The following NR1H3 variants were observed in gnomAD, a reference collection of about 807,000 sequenced individuals.
NR1H3 encodes oxysterols receptor LXR-alpha.
A neutral mutation model predicts 48.1 loss-of-function variants in NR1H3; 19 were observed. That is an observed-to-expected ratio of 0.40 (90% confidence interval 0.28 to 0.58). The LOEUF is 0.58. NR1H3 is among the 20% of genes least tolerant of loss of function. NR1H3 has a pLI of 0.50. For missense variants in NR1H3, 486 were observed against 595.9 expected, an observed-to-expected ratio of 0.82 and a Z score of 1.92; for synonymous variants, 232 against 227.3, an observed-to-expected ratio of 1.02 and a Z score of -0.19.
At chr11:47,253,779 G>C (rs910298456), upstream of NR1H3, among the ~76,000 whole-genome samples, 3 of 152,204 alleles carry the variant, frequency 2.0e-5, no homozygotes, top group Non-Finnish European at 4.4e-5. Context: ...CCCCGAGTGT[G>C]TTCCCAGAGA....
chr11:47,267,770 A>T (rs1454641274), intron 7 of NR1H3, 143 bp from the exon 8 acceptor site: 2 of 640,500 alleles, frequency 3.1e-6, no homozygotes, highest in Non-Finnish European at 5.6e-6. Context: ...CAGCCTCCGA[A>T]AGTGCTGGGA....
chr11:47,252,246 TTTGTTGTTG>T (rs61003245), intron 1 of NR1H3, among the ~76,000 whole-genome samples: 32 of 151,686 alleles, frequency 2.1e-4, no homozygotes, highest in Non-Finnish European at 3.7e-4. Context: ...TTTGTTTTGT[TTTGTTGTTG>T]TTGTTGTTGT....
At position 47,260,107 on chromosome 11, in the gene NR1H3, T is replaced by C. The variant is rs1364256447; in HGVS notation, c.232+128T>C. On this transcript the variant is annotated intron_variant, in intron 3 of 9. Transcript: ENST00000441012. ...TAAGTTCAGAGGCTTTAGAGCTAAC[T>C]AAATCTGACTGATCTAAGTGTGAAT... The C allele has an allele frequency of 4.5e-6, 4 of 883,630 alleles. No homozygotes were observed. The African/African-American group carries it at 6.9e-5, about 15-fold the overall frequency. 54.7% of individuals were successfully genotyped at this position (883,630 alleles called of 1,614,324 possible).
At chr11:47,250,296 G>C (rs1389962588) in intron 1 of NR1H3, among the ~76,000 whole-genome samples, 1 of 152,094 alleles carries the variant, frequency 6.6e-6, no homozygotes, top group Non-Finnish European at 1.5e-5. Flanking sequence ...TGTGGTCCTA[G>C]CTCCTCGGGA....
upstream of NR1H3, among the ~76,000 whole-genome samples, chr11:47,253,195 C>T (rs1954812015): frequency 6.7e-6 from 1 of 148,426 alleles, no homozygotes; most frequent in South Asian, 2.1e-4. Context: ...TCTCAAACTC[C>T]TGGACTCAAG....
upstream of NR1H3, among the ~76,000 whole-genome samples, chr11:47,256,627 C>T (rs1344823230): frequency 1.0e-5 from 1 of 98,800 alleles, no homozygotes; most frequent in Non-Finnish European, 1.9e-5. Flanking sequence ...GCCTGGGCAA[C>T]ATAGTGAGAC....
At position 47,261,416 on chromosome 11, in the gene NR1H3, C is replaced by A. The variant is rs1172123407; in HGVS notation, c.675C>A (p.Asn225Lys). 6.2e-7 allele frequency: 1 copy of A among 1,614,136 alleles called. No individual in the cohort carries two copies. The highest frequency in any genetic ancestry group is 1.7e-5 in the Admixed American group (1 of 59,988). Residue 225 changes from asparagine (N) to lysine (K), a missense_variant, in exon 5 of 10, where the codon AAC (asparagine) becomes AAA (lysine). Asn to Lys is a moderately conservative substitution (Grantham distance 94). Transcript: ENST00000441012. ...TCGTCGCTGCCCAGCAACAGTGTAA[C>A]CGGCGCTCCTTTTCTGACCGGCTTC... Reference protein sequence around the residue: ...EKLVAAQQQCNRRSFSDRLRV... With the variant: ...EKLVAAQQQCKRRSFSDRLRV...
chr11:47,263,611 T>C (rs1372163659), intron 7 of NR1H3, among the ~76,000 whole-genome samples: 1 of 149,450 alleles, frequency 6.7e-6, no homozygotes, highest in Non-Finnish European at 1.5e-5. Flanking sequence ...CTTTTCTTTT[T>C]TTTTTTTTTT....
chr11:47,266,445 G>T (rs1439458912), intron 7 of NR1H3, among the ~76,000 whole-genome samples: 2 of 149,046 alleles, frequency 1.3e-5, no homozygotes, highest in African/African-American at 5.0e-5. Context: ...CAAGCAATTC[G>T]CCTGCTCAGC....
rs948240602 is a variant in NR1H3, at chr11:47,259,974, C to T, written c.227C>T (p.Pro76Leu). The T allele has an allele frequency of 1.3e-6, 2 of 1,524,954 alleles. No individual in the cohort carries two copies. The highest frequency in any genetic ancestry group is 1.8e-6 in the Non-Finnish European group (2 of 1,139,146). The allele number at this position is 1,524,954 out of a possible 1,614,324, so 94.5% of individuals were successfully genotyped here. Residue 76 changes from proline (P) to leucine (L), a missense_variant, in exon 3 of 10, where the codon CCC becomes CTC. Transcript: ENST00000441012. ...LLTRAEPPSEPTEIRPQKRKK... is the reference protein window; with the variant it reads ...LLTRAEPPSELTEIRPQKRKK... ...ACCAGGGCAGAGCCCCCTTCAGAAC[C>T]CACAGGTGAGGAGCTTCTGGGTTTG...
intron 3 of NR1H3, among the ~76,000 whole-genome samples, 164 bp from the exon 4 acceptor site, chr11:47,260,245 T>C (rs1470529896): frequency 6.6e-6 from 1 of 152,144 alleles, no homozygotes; most frequent in Non-Finnish European, 1.5e-5. Context: ...ACCTAGAACA[T>C]AATGGCACTT....
chr11:47,251,822 A>G (rs1472061864), intron 1 of NR1H3, among the ~76,000 whole-genome samples: 2 of 152,136 alleles, frequency 1.3e-5, no homozygotes, highest in Admixed American at 1.3e-4. Flanking sequence ...ACTTGCTCAA[A>G]TATGTCTATA....
chr11:47,255,492 T>C (rs1007917888), upstream of NR1H3, among the ~76,000 whole-genome samples: 1 of 152,224 alleles, frequency 6.6e-6, no homozygotes, highest in African/African-American at 2.4e-5. Flanking sequence ...GTGCCATTTC[T>C]CAAACACTAT....
upstream of NR1H3, chr11:47,248,413 A>G (rs1954303183): frequency 6.5e-6 from 10 of 1,531,902 alleles, no homozygotes; most frequent in Non-Finnish European, 8.8e-6. Flanking sequence ...CTGGGGAAAA[A>G]AGATAACCAA....
intron 7 of NR1H3, 108 bp from the exon 8 acceptor site, chr11:47,267,805 G>C (rs1170210402): frequency 7.7e-6 from 6 of 783,150 alleles, no homozygotes; most frequent in South Asian, 1.5e-5. Flanking sequence ...CACTGTGCCC[G>C]GCCTCAGTAA....
At chr11:47,248,389 T>A (rs1005210718), upstream of NR1H3, 69 of 1,488,348 alleles carry the variant, frequency 4.6e-5, no homozygotes, top group Middle Eastern at 1.2e-3. Flanking sequence ...AAGCAACGTA[T>A]GTGGTGGGGA....
chr11:47,264,210 T>TTTCCTGGC (rs1956222890), intron 7 of NR1H3, among the ~76,000 whole-genome samples: 1 of 152,170 alleles, frequency 6.6e-6, no homozygotes, highest in Admixed American at 6.5e-5. Flanking sequence ...ACCAAGTAGC[T>TTTCCTGGC]TAACGACTGG....
At chr11:47,265,912 G>A (rs1956417720) in intron 7 of NR1H3, among the ~76,000 whole-genome samples, 1 of 152,076 alleles carries the variant, frequency 6.6e-6, no homozygotes. Context: ...CACTTATGTG[G>A]TAGTTACCAT....
chr11:47,259,960 G>A lies in NR1H3; in HGVS notation c.213G>A (p.Glu71=). The change falls in exon 3 of 10, where the codon GAG becomes GAA. Residue 71 remains glutamate (E), a synonymous_variant. Transcript: ENST00000441012. ...AEPTALLTRA[E]PPSEPTEIRP... ...CCACAGCCCTGCTCACCAGGGCAGAGCCCCCTTCAGAACCCACAGGTGAGG... is the reference window on the plus strand; with the variant it reads ...CCACAGCCCTGCTCACCAGGGCAGAACCCCCTTCAGAACCCACAGGTGAGG... 1.3e-6 allele frequency: 2 copies of A among 1,548,452 alleles called. No individual in the cohort carries two copies. Among genetic ancestry groups the A allele is most frequent in the South Asian group, 1.2e-5 (1 of 80,556 alleles).
Sources: gnomAD v4.1 joint callset for allele counts (sites outside exome capture counted in the v4.1 genomes callset) on GRCh38, gnomAD v4.1.1 for gene constraint, MANE v1.5 for transcripts, NCBI Gene and HGNC (gene_info 2026-07-23, HGNC 2026-07-21) for gene names.